Variants in UBE2U observed in about 807,000 individuals in gnomAD.
UBE2U encodes the protein ubiquitin-conjugating enzyme E2 U.
UBE2U carries 39 observed loss-of-function variants against 41.2 expected under a neutral mutation model. That is an observed-to-expected ratio of 0.95 (90% CI 0.73 to 1.24). The LOEUF is 1.24. UBE2U is among the 50% of genes most tolerant of loss of function. The pLI, the probability that UBE2U is intolerant of heterozygous loss-of-function variation, is 0.00. For missense variants in UBE2U, 336 were observed against 363.1 expected, an observed-to-expected ratio of 0.93 and a Z score of 0.61; for synonymous variants, 107 against 117.8, an observed-to-expected ratio of 0.91 and a Z score of 0.60.
chr1:64,212,073 A>G (rs1303666763), intron 4 of UBE2U, among the ~76,000 whole-genome samples: 1 of 152,214 alleles, frequency 6.6e-6, no homozygotes, highest in African/African-American at 2.4e-5. Flanking sequence ...TCTTTAGGAA[A>G]GATTCAATGT....
intron 9 of UBE2U, among the ~76,000 whole-genome samples, chr1:64,263,598 A>C (rs773990241): frequency 1.3e-5 from 2 of 152,164 alleles, no homozygotes; most frequent in African/African-American, 2.4e-5. Flanking sequence ...GTAGCAAGAG[A>C]GTTATTATGT....
At chr1:64,252,199 G>A (rs1260305265) in intron 8 of UBE2U, among the ~76,000 whole-genome samples, 1 of 152,026 alleles carries the variant, frequency 6.6e-6, no homozygotes, top group Non-Finnish European at 1.5e-5. Flanking sequence ...CCTCCTGTAG[G>A]GGGCCTTCAG....
chr1:64,211,081 G>A (rs969440323), intron 4 of UBE2U, among the ~76,000 whole-genome samples: 1 of 152,076 alleles, frequency 6.6e-6, no homozygotes, highest in Non-Finnish European at 1.5e-5. Flanking sequence ...TCTTATAAAA[G>A]AATAAAATAA....
intron 4 of UBE2U, among the ~76,000 whole-genome samples, chr1:64,213,254 A>T (rs1651768748): frequency 6.6e-6 from 1 of 151,900 alleles, no homozygotes. Context: ...CAATTCAGAT[A>T]AAAAAAACAT....
At chr1:64,244,252 T>G (rs138362023) in intron 8 of UBE2U, 14,243 of 1,393,332 alleles carry the variant, frequency 0.01, 70 homozygotes, top group Middle Eastern at 0.02. Context: ...GAGATAACCT[T>G]ACCTATCTTG....
chr1:64,219,287 C>T (rs551074133), intron 5 of UBE2U, among the ~76,000 whole-genome samples: 1 of 152,130 alleles, frequency 6.6e-6, no homozygotes, highest in African/African-American at 2.4e-5. Context: ...TAATTTCATT[C>T]CGATGTCCAA....
At chr1:64,239,157 A>AAGAAGAAGAAGAAGAAGAAGAGAAGAAG in intron 7 of UBE2U, among the ~76,000 whole-genome samples, 1 of 37,064 alleles carries the variant, frequency 2.7e-5, no homozygotes, top group East Asian at 1.0e-3. Context: ...GAAGAAGAAG[A>AAGAAGAAGAAGAAGAAGAAGAGAAGAAG]AAGAAGAAGA....
At chr1:64,212,581 A>C (rs1359279159) in intron 4 of UBE2U, among the ~76,000 whole-genome samples, 1 of 152,230 alleles carries the variant, frequency 6.6e-6, no homozygotes, top group Non-Finnish European at 1.5e-5. Flanking sequence ...GGTCCAAGAA[A>C]ATAACTCAAT....
At chr1:64,258,179 A>G (rs1295283173) in intron 8 of UBE2U, among the ~76,000 whole-genome samples, 1 of 152,180 alleles carries the variant, frequency 6.6e-6, no homozygotes, top group African/African-American at 2.4e-5. Flanking sequence ...CCATGAAGTC[A>G]GAGACCTTGT....
chr1:64,239,160 G>T lies in UBE2U; in HGVS notation c.596-2492G>T, dbSNP rs974622267. On this transcript the variant is annotated intron_variant, in intron 7 of 9. Coordinates refer to ENST00000371077, the MANE Select transcript of UBE2U (RefSeq NM_001366232.2). ...GAAGAAGAAGAAGAAGAAGAAGAAA[G>T]AAGAAGAAGAAGAAGAAGAAGAAGA... Among the ~76,000 whole-genome samples, 2 of 70,898 alleles carry T rather than the reference G, an allele frequency of 2.8e-5. 1 individual carries two copies. Among genetic ancestry groups the T allele is most frequent in the African/African-American group, 1.1e-4 (2 of 17,962 alleles). 46.5% of individuals were successfully genotyped at this position (70,898 alleles called of 152,430 possible).
At chr1:64,222,628 G>T (rs906995056) in intron 6 of UBE2U, among the ~76,000 whole-genome samples, 2 of 152,210 alleles carry the variant, frequency 1.3e-5, no homozygotes, top group Non-Finnish European at 2.9e-5. Flanking sequence ...GCACTTCGTT[G>T]TGTGTCTGTG....
chr1:64,250,613 C>T (rs1570124630), intron 8 of UBE2U, among the ~76,000 whole-genome samples: 1 of 152,070 alleles, frequency 6.6e-6, no homozygotes, highest in Non-Finnish European at 1.5e-5. Context: ...CACATGCACA[C>T]ATATGTTTAG....
intron 5 of UBE2U, among the ~76,000 whole-genome samples, chr1:64,216,903 A>G (rs948198869): frequency 1.3e-5 from 2 of 152,100 alleles, no homozygotes; most frequent in African/African-American, 4.8e-5. Context: ...CCTTTCTTAG[A>G]GGACTCACAT....
intron 5 of UBE2U, among the ~76,000 whole-genome samples, chr1:64,219,586 A>ATTT (rs35981131): frequency 7.2e-6 from 1 of 138,466 alleles, no homozygotes; most frequent in Non-Finnish European, 1.6e-5. Context: ...TGATCCTCTA[A>ATTT]TTTTTTTTTT....
rs1056742548 is a variant in UBE2U, at chr1:64,232,640, A to G, written c.586A>G (p.Arg196Gly). 5 of 1,611,838 alleles carry G rather than the reference A, an allele frequency of 3.1e-6. No individual in the cohort carries two copies. The highest frequency in any genetic ancestry group is 3.4e-6 in the Non-Finnish European group (4 of 1,178,380). ...TACATCAAAAGCCACAGAATACTAC[A>G]GAACTCCATGTAAGGTGAACTATCC... ...IATSKATEYY[R>G]TPLLKVPNFI... The change falls in exon 7 of 10, where the codon AGA (arginine) becomes GGA (glycine). Residue 196 changes from arginine to glycine, a missense_variant. By Grantham distance (125) the Arg-to-Gly change is moderately radical. Coordinates refer to ENST00000371077, the MANE Select transcript of UBE2U (RefSeq NM_001366232.2).
chr1:64,211,076 T>C (rs1023705984), intron 4 of UBE2U, among the ~76,000 whole-genome samples: 7 of 152,216 alleles, frequency 4.6e-5, no homozygotes, highest in Non-Finnish European at 8.8e-5. Flanking sequence ...GCATATCTTA[T>C]AAAAGAATAA....
At chr1:64,237,359 C>T (rs2100418884) in intron 7 of UBE2U, among the ~76,000 whole-genome samples, 1 of 148,780 alleles carries the variant, frequency 6.7e-6, no homozygotes, top group South Asian at 2.1e-4. Context: ...CTGCAGAAGG[C>T]ACAACAGAAA....
intron 6 of UBE2U, among the ~76,000 whole-genome samples, chr1:64,225,529 G>A (rs2100351937): frequency 6.6e-6 from 1 of 152,344 alleles, no homozygotes; most frequent in Middle Eastern, 3.4e-3. Context: ...ACTTTTAAAA[G>A]GAGTACTTTT....
intron 6 of UBE2U, among the ~76,000 whole-genome samples, chr1:64,229,980 C>G (rs993588156): frequency 1.3e-5 from 2 of 152,178 alleles, no homozygotes; most frequent in African/African-American, 4.8e-5. Context: ...AAATTAAACT[C>G]GTATTTTACT....
Sources: allele counts gnomAD v4.1 joint callset (sites outside exome capture counted in the v4.1 genomes callset), GRCh38; gene constraint gnomAD v4.1.1; transcripts MANE v1.5; gene names NCBI Gene and HGNC (gene_info 2026-07-23, HGNC 2026-07-21).